Variants in EGFR observed in about 807,000 individuals in gnomAD.
EGFR encodes epidermal growth factor receptor.
Under a neutral mutation model 143.0 loss-of-function variants are expected in EGFR, and 58 were observed. The ratio of observed to expected loss-of-function variants is 0.41; its 90% CI spans 0.33 to 0.50. EGFR has a LOEUF of 0.50. EGFR is among the 20% of genes least tolerant of loss of function. The pLI, the probability that EGFR is intolerant of heterozygous loss-of-function variation, is 0.39. For synonymous variants in EGFR, 613 were observed against 594.4 expected, an observed-to-expected ratio of 1.03 and a Z score of -0.45; for missense variants, 1,307 against 1,579.0, an observed-to-expected ratio of 0.83 and a Z score of 2.92.
At chr7:55,152,521 A>C in intron 5 of EGFR, 25 bp from the exon 6 acceptor site, 1 of 1,603,322 alleles carries the variant, frequency 6.2e-7, no homozygotes, top group Non-Finnish European at 8.5e-7. Flanking sequence ...TCTTCAGCTC[A>C]CAGGGAACCT....
At chr7:55,112,510 T>A (rs1792567684) in intron 1 of EGFR, among the ~76,000 whole-genome samples, 1 of 152,216 alleles carries the variant, frequency 6.6e-6, no homozygotes, top group Non-Finnish European at 1.5e-5. Flanking sequence ...GAATCAGGCC[T>A]GGTGTGGCCA....
rs935948448 is a variant in EGFR, at chr7:55,068,076, G to A, written c.88+48711G>A. ...CATGTATGTACGCGTGTGCATACGT[G>A]TGTGTGTGTGCACAGGTGTGTATGT... On this transcript the variant is annotated intron_variant, in intron 1 of 27. Transcript: ENST00000275493. 5.7e-4 allele frequency among the ~76,000 whole-genome samples: 23 copies of A among 40,602 alleles called. No homozygotes were observed. In the East Asian group the frequency reaches 0.3, roughly 530 times the overall value. 26.6% of individuals were successfully genotyped at this position (40,602 alleles called of 152,430 possible). A position where few individuals can be genotyped will look rare whatever the true frequency, so the allele number is the denominator to read the frequency against.
chr7:55,126,287 T>C (rs907724792), intron 1 of EGFR, among the ~76,000 whole-genome samples: 2 of 152,260 alleles, frequency 1.3e-5, no homozygotes, highest in Middle Eastern at 3.2e-3. Context: ...GTCAATGCTA[T>C]GTCCCAGGAC....
intron 15 of EGFR, chr7:55,168,585 A>G: frequency 1.2e-6 from 2 of 1,611,186 alleles, no homozygotes; most frequent in Non-Finnish European, 1.7e-6. Context: ...CCTTTCTACA[A>G]TTTCAATTTC....
intron 1 of EGFR, among the ~76,000 whole-genome samples, chr7:55,053,544 C>T (rs1788611755): frequency 6.6e-6 from 1 of 152,216 alleles, no homozygotes; most frequent in Non-Finnish European, 1.5e-5. Context: ...TGTTCTACTC[C>T]CAGAGTTCCT....
At chr7:55,170,543 G>A (rs1213533225) in intron 15 of EGFR, 6 of 1,613,052 alleles carry the variant, frequency 3.7e-6, no homozygotes, top group Non-Finnish European at 5.1e-6. Flanking sequence ...TCCTGCCACT[G>A]AGCCTCATGC....
chr7:55,037,971 C>T lies in EGFR; in HGVS notation c.88+18606C>T, dbSNP rs558255157. Among the ~76,000 whole-genome samples the T allele has an allele frequency of 7.9e-5, 12 of 152,300 alleles. No individual in the cohort carries two copies. The South Asian group carries it at 2.5e-3, about 32-fold the overall frequency. On this transcript the variant is annotated intron_variant, in intron 1 of 27. Transcript: ENST00000275493. ...CCAGCATTTCCAGTTAGTCGGGTGCCTCTGCACTCCCGGTGTTCCGGCGCC... is the reference window on the plus strand; with the variant it reads ...CCAGCATTTCCAGTTAGTCGGGTGCTTCTGCACTCCCGGTGTTCCGGCGCC...
At chr7:55,153,901 G>A in intron 6 of EGFR, 110 bp from the exon 7 acceptor site, 4 of 1,529,162 alleles carry the variant, frequency 2.6e-6, no homozygotes, top group Non-Finnish European at 3.6e-6. Flanking sequence ...AGGCTGCAAA[G>A]ACAGTAACTT....
intron 5 of EGFR, 119 bp downstream of exon 5, chr7:55,151,481 A>G (rs915606742): frequency 5.7e-6 from 6 of 1,045,388 alleles, no homozygotes; most frequent in Non-Finnish European, 8.8e-6. Flanking sequence ...TTACAGGGTC[A>G]GATGTGAACC....
intron 1 of EGFR, among the ~76,000 whole-genome samples, chr7:55,050,664 C>G (rs764360872): frequency 5.9e-5 from 9 of 152,188 alleles, no homozygotes; most frequent in East Asian, 1.9e-4. Flanking sequence ...CCCTGTAGGT[C>G]TCTCCCGCCA....
chr7:55,124,973 A>G (rs1040803979), intron 1 of EGFR, among the ~76,000 whole-genome samples: 2 of 152,168 alleles, frequency 1.3e-5, no homozygotes, highest in Non-Finnish European at 2.9e-5. Context: ...TCCCTGGTGC[A>G]CTGTTTTGCA....
At chr7:55,019,424 GC>G (rs1347874390) in intron 1 of EGFR, 59 bp downstream of exon 1, 4 of 1,180,008 alleles carry the variant, frequency 3.4e-6, no homozygotes, top group Non-Finnish European at 4.3e-6. Flanking sequence ...GGACCCCGCA[GC>G]CCGCCCAACC....
intron 19 of EGFR, among the ~76,000 whole-genome samples, chr7:55,179,373 T>C (rs1786752164): frequency 6.6e-6 from 1 of 152,260 alleles, no homozygotes; most frequent in African/African-American, 2.4e-5. Context: ...CAGGCAATGC[T>C]GAGGCTGCTT....
chr7:55,176,443 G>C (rs1387435938), intron 19 of EGFR, among the ~76,000 whole-genome samples: 3 of 152,162 alleles, frequency 2.0e-5, no homozygotes, highest in Non-Finnish European at 4.4e-5. Flanking sequence ...CCATGGGCCT[G>C]GCATGGTGGC....
At chr7:55,123,419 C>T (rs1008973135) in intron 1 of EGFR, among the ~76,000 whole-genome samples, 1 of 152,136 alleles carries the variant, frequency 6.6e-6, no homozygotes, top group Non-Finnish European at 1.5e-5. Context: ...GAAAACTTAA[C>T]TAAAAATACT....
intron 15 of EGFR, chr7:55,170,704 T>C: frequency 1.3e-6 from 2 of 1,545,200 alleles, no homozygotes; most frequent in Non-Finnish European, 1.7e-6. Context: ...CCCCCAGGAC[T>C]GACCTCTTCC....
In EGFR at chr7:55,207,036, G is replaced by A. The variant is rs116203092; in HGVS notation, c.*1419G>A. 4.3e-6 allele frequency: 1 copy of A among 233,026 alleles called. No homozygotes were observed. Among genetic ancestry groups the A allele is most frequent in the African/African-American group, 2.2e-5 (1 of 45,448 alleles). The allele number at this position is 233,026 out of a possible 1,614,324, so 14.4% of individuals were successfully genotyped here. On this transcript the variant is annotated 3_prime_UTR_variant, in exon 28 of 28. Coordinates refer to ENST00000275493, the MANE Select transcript of EGFR (RefSeq NM_005228.5). ...GAAGATTGGAAGATTCAGCTAGTTA[G>A]GAGCCCACCTTTTTTCCTAATCTGT...
At chr7:55,098,622 G>A (rs1174741871) in intron 1 of EGFR, among the ~76,000 whole-genome samples, 2 of 152,164 alleles carry the variant, frequency 1.3e-5, no homozygotes, top group East Asian at 1.9e-4. Context: ...GCATATTGTT[G>A]TTAAGTATTT....
At position 55,198,838 on chromosome 7, in the gene EGFR, C is replaced by T. The variant is rs757493321; in HGVS notation, c.2823C>T (p.Ile941=). 8 of 1,614,108 alleles carry T rather than the reference C, an allele frequency of 5.0e-6. No individual in the cohort carries two copies. The highest frequency in any genetic ancestry group is 1.3e-5 in the African/African-American group (1 of 74,946). ...ERLPQPPICT[I]DVYMIMVKCW... ...TCCCTCAGCCACCCATATGTACCAT[C>T]GATGTCTACATGATCATGGTCAAGT... The change falls in exon 23 of 28, where the codon ATC becomes ATT. Residue 941 remains isoleucine (I), a synonymous_variant. Transcript: ENST00000275493.
Sources: gnomAD v4.1 joint callset for allele counts (sites outside exome capture counted in the v4.1 genomes callset) on GRCh38, gnomAD v4.1.1 for gene constraint, MANE v1.5 for transcripts, NCBI Gene and HGNC (gene_info 2026-07-23, HGNC 2026-07-21) for gene names.